Variants in COL8A1 observed in about 807,000 individuals in gnomAD.
COL8A1 encodes the protein collagen alpha-1(VIII) chain.
In COL8A1, 21 loss-of-function variants were observed where a neutral mutation model predicts 42.7. The ratio of observed to expected loss-of-function variants is 0.49; its 90% CI spans 0.35 to 0.71. The LOEUF (loss-of-function observed/expected upper bound fraction) is 0.71, where lower values mean the gene tolerates loss of function less well. Among genes scored for constraint, COL8A1 ranks in the 30% least tolerant of loss-of-function variants. COL8A1 has a pLI of 0.01. For missense variants in COL8A1, 788 were observed against 962.4 expected (o/e 0.82, Z 2.40); for synonymous variants, 367 against 369.1 (o/e 0.99, Z 0.06).
intron 1 of COL8A1, among the ~76,000 whole-genome samples, chr3:99,660,897 G>A (rs1008646606): frequency 2.0e-5 from 3 of 152,066 alleles, no homozygotes; most frequent in South Asian, 2.1e-4. Context: ...AAACAGAGTG[G>A]CATGTATAAA....
intron 1 of COL8A1, among the ~76,000 whole-genome samples, chr3:99,663,079 T>C (rs758236751): frequency 9.9e-5 from 15 of 152,240 alleles, no homozygotes; most frequent in Non-Finnish European, 2.1e-4. Flanking sequence ...GGAATGCTTA[T>C]AGAGAATGAC....
chr3:99,646,259 A>G (rs1417221642), intron 1 of COL8A1, among the ~76,000 whole-genome samples: 1 of 152,190 alleles, frequency 6.6e-6, no homozygotes, highest in Non-Finnish European at 1.5e-5. Context: ...CTGCTTGCTT[A>G]GTAAAAATTA....
chr3:99,684,808 G>A (rs1006035228), intron 1 of COL8A1, among the ~76,000 whole-genome samples: 8 of 152,186 alleles, frequency 5.3e-5, no homozygotes, highest in Middle Eastern at 6.8e-3. Context: ...AAGAAGAGGC[G>A]GTACAAGAAT....
At chr3:99,750,715 A>G (rs968240003) in intron 2 of COL8A1, among the ~76,000 whole-genome samples, 13 of 152,192 alleles carry the variant, frequency 8.5e-5, no homozygotes, top group Admixed American at 7.9e-4. Flanking sequence ...TCTCTAGACA[A>G]GAAAGGTTAA....
chr3:99,795,555 C>T lies in COL8A1; in HGVS notation c.1654C>T (p.Pro552Ser), dbSNP rs1942087693. Residue 552 changes from proline (P) to serine (S), a missense_variant, in exon 4 of 4, where the codon CCT (proline) becomes TCT (serine). By Grantham distance (74) the Pro-to-Ser change is moderately conservative. Coordinates refer to ENST00000652472, the MANE Select transcript of COL8A1 (RefSeq NM_020351.4). The part of the protein sequence containing the change: ...GPPGKPGALG[P>S]QGQPGLPGPP... ...CCCAGGGAAGCCTGGTGCCCTTGGT[C>T]CTCAAGGCCAGCCTGGCCTTCCAGG... 6.2e-7 allele frequency: 1 copy of T among 1,609,060 alleles called. No individual in the cohort carries two copies. The highest frequency in any genetic ancestry group is 8.5e-7 in the Non-Finnish European group (1 of 1,177,512).
Position 99,790,946 on chromosome 3 carries a change from A to G in COL8A1, c.264A>G (p.Gln88=), listed in dbSNP as rs1273330689. Residue 88 remains glutamine, a synonymous_variant, in exon 3 of 4, where the codon CAA becomes CAG. Transcript: ENST00000652472. ...GCAAAGAGTATCCACACCTACCCCAATATATGAAGGAAATTCAACCGGCGC... is the reference window on the plus strand; with the variant it reads ...GCAAAGAGTATCCACACCTACCCCAGTATATGAAGGAAATTCAACCGGCGC... ...QYGKEYPHLP[Q]YMKEIQPAPR... is the part of the protein sequence containing the mutation. 3.1e-6 allele frequency: 5 copies of G among 1,613,988 alleles called. No homozygotes were observed. Among genetic ancestry groups the G allele is most frequent in the Non-Finnish European group, 4.2e-6 (5 of 1,179,968 alleles).
intron 1 of COL8A1, among the ~76,000 whole-genome samples, chr3:99,732,047 G>A (rs971723492): frequency 6.6e-6 from 1 of 152,070 alleles, no homozygotes; most frequent in African/African-American, 2.4e-5. Context: ...ACCCTCAGAG[G>A]GGGCATAGCC....
At chr3:99,720,086 T>G (rs1940108083) in intron 1 of COL8A1, among the ~76,000 whole-genome samples, 2 of 152,168 alleles carry the variant, frequency 1.3e-5, no homozygotes, top group African/African-American at 2.4e-5. Context: ...AAAACTATCC[T>G]GAACCTTATG....
chr3:99,657,981 G>C (rs898941031), intron 1 of COL8A1, among the ~76,000 whole-genome samples: 2 of 151,978 alleles, frequency 1.3e-5, no homozygotes, highest in Non-Finnish European at 2.9e-5. Flanking sequence ...ACAAAAATTA[G>C]CCGGGTGTGA....
rs967877876 is a variant in COL8A1 at position 99,795,819 on chromosome 3, T to C, written c.1918T>C (p.Tyr640His). ...CCCAGTGAAGTTTAACAAACTGCTG[T>C]ATAACGGCAGACAGAACTACAACCC... is the stretch of plus-strand genomic sequence containing the variant. ...GAPVKFNKLL[Y>H]NGRQNYNPQT... The change falls in exon 4 of 4, where the codon TAT (tyrosine) becomes CAT (histidine). Residue 640 changes from tyrosine to histidine, a missense_variant. By Grantham distance (83) the Tyr-to-His change is moderately conservative. This residue lies in a region of COL8A1 where 212 missense variants were observed against 210.9 expected (regional missense o/e 1.00). Transcript: ENST00000652472. 6.2e-6 allele frequency: 10 copies of C among 1,614,060 alleles called. No homozygotes were observed. The highest frequency in any genetic ancestry group is 8.5e-6 in the Non-Finnish European group (10 of 1,180,024).
At position 99,743,413 on chromosome 3, in the gene COL8A1, A is replaced by T. The variant is rs183917468; in HGVS notation, c.-128-1484A>T. Among the ~76,000 whole-genome samples the T allele has an allele frequency of 3.6e-3, 541 of 152,264 alleles. 5 individuals carry two copies. Among genetic ancestry groups the T allele is most frequent in the African/African-American group, 0.012 (510 of 41,540 alleles). On this transcript the variant is annotated intron_variant, in intron 1 of 3. Transcript: ENST00000652472. ...ATCCACCCTTCAGGCCTGAACACAC[A>T]TTGTGTAGCCTCTGTAGGGAAAGCC...
intron 1 of COL8A1, among the ~76,000 whole-genome samples, chr3:99,696,954 T>A (rs1050134134): frequency 8.7e-5 from 13 of 149,438 alleles, no homozygotes; most frequent in Non-Finnish European, 1.9e-4. Context: ...TTTGCTATAA[T>A]CCCCACCGGA....
chr3:99,668,637 TA>T (rs1020687618), intron 1 of COL8A1, among the ~76,000 whole-genome samples: 1 of 152,048 alleles, frequency 6.6e-6, no homozygotes, highest in Admixed American at 6.6e-5. Flanking sequence ...TTTTTCACAT[TA>T]AAAAAACCTG....
At chr3:99,774,198 T>A (rs2107441248) in intron 2 of COL8A1, among the ~76,000 whole-genome samples, 1 of 151,278 alleles carries the variant, frequency 6.6e-6, no homozygotes, top group South Asian at 2.1e-4. Flanking sequence ...ATGATGCTAT[T>A]TGATTGTGTT....
intron 1 of COL8A1, among the ~76,000 whole-genome samples, chr3:99,725,580 A>G (rs1347499777): frequency 1.1e-5 from 1 of 93,310 alleles, no homozygotes; most frequent in Non-Finnish European, 2.0e-5. Flanking sequence ...CCCACCCTAC[A>G]ACAGTCCCAA....
chr3:99,752,897 G>T (rs144983846), intron 2 of COL8A1, among the ~76,000 whole-genome samples: 1 of 152,268 alleles, frequency 6.6e-6, no homozygotes, highest in African/African-American at 2.4e-5. Flanking sequence ...AAGGGGAGAT[G>T]GGTATATGAG....
chr3:99,756,423 TC>T (rs1941255068), intron 2 of COL8A1, among the ~76,000 whole-genome samples: 2 of 152,150 alleles, frequency 1.3e-5, no homozygotes, highest in African/African-American at 4.8e-5. Context: ...ATGTAATATT[TC>T]TAAGTGTTCC....
At chr3:99,734,859 C>A (rs1940652827) in intron 1 of COL8A1, among the ~76,000 whole-genome samples, 1 of 152,098 alleles carries the variant, frequency 6.6e-6, no homozygotes, top group African/African-American at 2.4e-5. Context: ...TTGAAGAGGT[C>A]CTTCACATCC....
chr3:99,767,434 A>G (rs1287486387), intron 2 of COL8A1, among the ~76,000 whole-genome samples: 9 of 152,226 alleles, frequency 5.9e-5, no homozygotes, highest in African/African-American at 2.2e-4. Context: ...TTAAAACTAC[A>G]TACATTTATC....
Sources: gnomAD v4.1 joint callset for allele counts (sites outside exome capture counted in the v4.1 genomes callset) on GRCh38, gnomAD v4.1.1 for gene constraint, gnomAD v4.1.1 regional missense constraint, MANE v1.5 for transcripts, NCBI Gene and HGNC (gene_info 2026-07-23, HGNC 2026-07-21) for gene names.